The following RRBP1 variants were observed in gnomAD, a reference collection of about 807,000 sequenced individuals.
RRBP1 encodes ribosome-binding protein 1.
RRBP1 carries 94 observed loss-of-function variants against 165.2 expected under a neutral mutation model. That is an observed-to-expected ratio of 0.57 (90% CI 0.48 to 0.68). The LOEUF (loss-of-function observed/expected upper bound fraction) is 0.68, where lower values mean the gene tolerates loss of function less well. Among genes scored for constraint, RRBP1 ranks in the 30% least tolerant of loss-of-function variants. RRBP1 has a pLI of 0.00. For missense variants in RRBP1, 1,676 were observed against 1,763.0 expected, an observed-to-expected ratio of 0.95 and a Z score of 0.88; for synonymous variants, 680 against 714.5, an observed-to-expected ratio of 0.95 and a Z score of 0.77.
At chr20:17,676,779 CT>C (rs1328323298) in intron 2 of RRBP1, among the ~76,000 whole-genome samples, 10 of 152,114 alleles carry the variant, frequency 6.6e-5, no homozygotes, top group Non-Finnish European at 7.4e-5. Context: ...GAGACAGAGT[CT>C]CACTCTGTCG....
chr20:17,673,699 TG>T (rs2037021930), intron 2 of RRBP1, among the ~76,000 whole-genome samples: 1 of 152,176 alleles, frequency 6.6e-6, no homozygotes, highest in African/African-American at 2.4e-5. Flanking sequence ...TGAGCCACCA[TG>T]CCCGGCCCAC....
At chr20:17,628,619 C>T (rs928441485) in intron 9 of RRBP1, among the ~76,000 whole-genome samples, 1 of 152,240 alleles carries the variant, frequency 6.6e-6, no homozygotes, top group African/African-American at 2.4e-5. Context: ...GGAGGGTGAC[C>T]TGGCCCTGCC....
intron 13 of RRBP1, among the ~76,000 whole-genome samples, 186 bp from the exon 14 acceptor site, chr20:17,622,133 C>G (rs924952898): frequency 3.2e-4 from 48 of 152,178 alleles, no homozygotes; most frequent in African/African-American, 1.1e-3. Flanking sequence ...AGAGGGGTTA[C>G]CCAGCCTGTA....
chr20:17,615,294 T>C (rs1170675123), intron 23 of RRBP1, 137 bp downstream of exon 23: 2 of 654,758 alleles, frequency 3.1e-6, no homozygotes, highest in Non-Finnish European at 2.6e-6. Context: ...CCCCGGGTAG[T>C]GACAAGGGGA....
At chr20:17,678,353 G>A (rs914740192) in intron 2 of RRBP1, among the ~76,000 whole-genome samples, 2 of 152,164 alleles carry the variant, frequency 1.3e-5, no homozygotes, top group Non-Finnish European at 2.9e-5. Context: ...TTGATGCTGA[G>A]GGCATTGGGT....
At chr20:17,627,706 GAAGTT>G (rs1302467065) in intron 9 of RRBP1, 24 bp from the exon 10 acceptor site, 3 of 1,512,008 alleles carry the variant, frequency 2.0e-6, no homozygotes, top group African/African-American at 1.6e-5. Context: ...AGGGAAACGA[GAAGTT>G]AAGAGACTGC....
At chr20:17,630,647 G>A (rs894894905) in intron 8 of RRBP1, among the ~76,000 whole-genome samples, 1 of 152,176 alleles carries the variant, frequency 6.6e-6, no homozygotes, top group Admixed American at 6.5e-5. Context: ...GTGCTCCACA[G>A]GACACCCTCA....
At chr20:17,648,458 A>G (rs1180116027) in intron 3 of RRBP1, among the ~76,000 whole-genome samples, 2 of 152,254 alleles carry the variant, frequency 1.3e-5, no homozygotes, top group Non-Finnish European at 2.9e-5. Flanking sequence ...AGCGCTGCTC[A>G]GCGCTCCTGA....
rs2036694070 is a variant in RRBP1 at position 17,658,833 on chromosome 20, T to C, written c.1675A>G (p.Lys559Glu). Residue 559 changes from lysine to glutamate, a missense_variant, in exon 3 of 25, where the codon AAG becomes GAG. By Grantham distance (56) the Lys-to-Glu change is moderately conservative. This residue lies in a region of RRBP1 where 1,184 missense variants were observed against 1,167.1 expected (regional missense o/e 1.01). Transcript: ENST00000377813. ...KADSVANQGT[K>E]VEGITNQGKK... ...CCCTGGTTTGTAATACCCTCTACCTTTGTGCCCTGATTAGCAACCGAATCT... is the reference window on the plus strand; with the variant it reads ...CCCTGGTTTGTAATACCCTCTACCTCTGTGCCCTGATTAGCAACCGAATCT... 2 of 1,614,036 alleles carry C rather than the reference T, an allele frequency of 1.2e-6. No individual in the cohort carries two copies. Among genetic ancestry groups the C allele is most frequent in the South Asian group, 2.2e-5 (2 of 91,084 alleles).
chr20:17,635,572 G>A lies in RRBP1; in HGVS notation c.2430C>T (p.Asn810=), dbSNP rs745582614. ...QENSILRDAL[N]QATSQVESKQ... Reference sequence around the variant, plus strand: ...TGCTCTCCACCTGGCTCGTGGCCTGGTTCAAGGCATCCCGCAGGATGGAGT... The same window carrying A: ...TGCTCTCCACCTGGCTCGTGGCCTGATTCAAGGCATCCCGCAGGATGGAGT... The change falls in exon 7 of 25, where the codon AAC becomes AAT. Residue 810 remains asparagine (N), a synonymous_variant. Coordinates refer to ENST00000377813, the MANE Select transcript of RRBP1 (RefSeq NM_001365613.2). 1.7e-5 allele frequency: 28 copies of A among 1,612,766 alleles called. No homozygotes were observed. The South Asian group carries it at 3.0e-4, about 17-fold the overall frequency.
intron 20 of RRBP1, 21 bp from the exon 21 acceptor site, chr20:17,616,860 T>C: frequency 6.4e-7 from 1 of 1,571,392 alleles, no homozygotes; most frequent in African/African-American, 1.4e-5. Context: ...AAGGGGTGTG[T>C]TTGCAAATGC....
intron 3 of RRBP1, among the ~76,000 whole-genome samples, chr20:17,648,499 C>T (rs1380289068): frequency 1.3e-5 from 2 of 152,266 alleles, no homozygotes; most frequent in Non-Finnish European, 2.9e-5. Context: ...CGCAGCTGCA[C>T]TTGACCCCAA....
intron 18 of RRBP1, 101 bp from the exon 19 acceptor site, chr20:17,619,829 T>C: frequency 2.6e-6 from 2 of 759,128 alleles, no homozygotes; most frequent in Non-Finnish European, 4.2e-6. Flanking sequence ...GTGAGGCCTC[T>C]CGGGAGATCC....
chr20:17,618,980 G>T, intron 19 of RRBP1: 1 of 382,092 alleles, frequency 2.6e-6, no homozygotes, highest in Non-Finnish European at 5.0e-6. Context: ...TTCAGAGATG[G>T]TCTCAATCTG....
chr20:17,631,462 A>C (rs2036149206), intron 8 of RRBP1, among the ~76,000 whole-genome samples: 1 of 152,242 alleles, frequency 6.6e-6, no homozygotes, highest in South Asian at 2.1e-4. Context: ...CCCAAACTTA[A>C]AATCTTTGAT....
chr20:17,625,002 T>C (rs1417008109), intron 12 of RRBP1, among the ~76,000 whole-genome samples: 1 of 152,118 alleles, frequency 6.6e-6, no homozygotes, highest in Non-Finnish European at 1.5e-5. Flanking sequence ...GCTGATCCCT[T>C]GGGCCAGCTC....
rs2036696755 is a variant in RRBP1 at position 17,658,937 on chromosome 20, C to G, written c.1571G>C (p.Gly524Ala). 1 of 1,612,848 alleles carries G rather than the reference C, an allele frequency of 6.2e-7. No homozygotes were observed. Among genetic ancestry groups the G allele is most frequent in the Non-Finnish European group, 8.5e-7 (1 of 1,179,814 alleles). ...CCTTTCTGCCTTTTTGCCCTGAGCC[C>G]CTTCTGTCTTTTTACCCTGATTCTG... ...GAQNQGKKTE[G>A]AQGKKAERSP... The change falls in exon 3 of 25, where the codon GGG (glycine) becomes GCG (alanine). Residue 524 changes from glycine to alanine, a missense_variant. Physicochemically the swap from Gly to Ala is moderately conservative, Grantham distance 60. Around this residue, in one of 5 missense-constraint regions of RRBP1, gnomAD observed 1,184 missense variants for 1,167.1 expected, o/e 1.01. Coordinates refer to ENST00000377813, the MANE Select transcript of RRBP1 (RefSeq NM_001365613.2).
chr20:17,678,408 C>T (rs1270516768), intron 2 of RRBP1, among the ~76,000 whole-genome samples: 1 of 152,230 alleles, frequency 6.6e-6, no homozygotes, highest in Non-Finnish European at 1.5e-5. Context: ...TGGCCCCCCT[C>T]CCACTCCTTT....
intron 3 of RRBP1, among the ~76,000 whole-genome samples, chr20:17,652,402 G>A (rs1218838434): frequency 6.6e-6 from 1 of 152,154 alleles, no homozygotes; most frequent in Non-Finnish European, 1.5e-5. Flanking sequence ...GGACAGCACA[G>A]CCCTAGGCCC....
Sources: gnomAD v4.1 joint callset for allele counts (sites outside exome capture counted in the v4.1 genomes callset) on GRCh38, gnomAD v4.1.1 for gene constraint, gnomAD v4.1.1 regional missense constraint, MANE v1.5 for transcripts, NCBI Gene and HGNC (gene_info 2026-07-23, HGNC 2026-07-21) for gene names.